SEC23A: variants seen among roughly 807,000 people sequenced by gnomAD.
SEC23A encodes SEC23 homolog A, COPII component.
In SEC23A, 56 loss-of-function variants were observed where a neutral mutation model predicts 103.7. The ratio of observed to expected loss-of-function variants is 0.54; its 90% confidence interval spans 0.44 to 0.67. The LOEUF is 0.67. Ranked by LOEUF, SEC23A falls within the 30% of genes least tolerant of loss-of-function variation. SEC23A has a pLI of 0.00. For missense variants in SEC23A, 784 were observed against 936.4 expected, an observed-to-expected ratio of 0.84 and a Z score of 2.12; for synonymous variants, 281 against 293.0, an observed-to-expected ratio of 0.96 and a Z score of 0.42.
chr14:39,059,278 T>TAAAAAAAAAAAAAAAAAAAAAAAAAAAA (rs750853379), intron 13 of SEC23A, among the ~76,000 whole-genome samples: 1 of 71,826 alleles, frequency 1.4e-5, no homozygotes, highest in African/African-American at 5.1e-5. Flanking sequence ...AGTCCTAGTT[T>TAAAAAAAAAAAAAAAAAAAAAAAAAAAA]AAAAAAAAAA....
intron 3 of SEC23A, 93 bp downstream of exon 3, chr14:39,093,094 C>T (rs1032253171): frequency 4.1e-6 from 4 of 968,958 alleles, no homozygotes; most frequent in Non-Finnish European, 6.4e-6. Context: ...GTCTCAATCT[C>T]CTGACCTCGT....
chr14:39,038,269 C>A (rs1480815821), intron 19 of SEC23A, among the ~76,000 whole-genome samples: 3 of 152,172 alleles, frequency 2.0e-5, no homozygotes, highest in Non-Finnish European at 4.4e-5. Context: ...TACACACCCT[C>A]TTCCTGCTAC....
intron 9 of SEC23A, among the ~76,000 whole-genome samples, chr14:39,068,328 A>C (rs1167409387): frequency 1.3e-5 from 2 of 152,166 alleles, no homozygotes; most frequent in Non-Finnish European, 2.9e-5. Flanking sequence ...TAACTTGATA[A>C]TATCTAACAA....
At chr14:39,098,019 G>A (rs1000373185) in intron 1 of SEC23A, among the ~76,000 whole-genome samples, 3 of 151,986 alleles carry the variant, frequency 2.0e-5, no homozygotes, top group Non-Finnish European at 4.4e-5. Flanking sequence ...AACTGGGGGG[G>A]CAGAGGTTGT....
chr14:39,089,120 CA>C (rs1887568842), intron 5 of SEC23A, among the ~76,000 whole-genome samples: 1 of 141,042 alleles, frequency 7.1e-6, no homozygotes, highest in African/African-American at 2.7e-5. Flanking sequence ...ATTGCAAGAT[CA>C]TGCCACTGCA....
At chr14:39,074,359 A>G in intron 9 of SEC23A, 56 bp downstream of exon 9, 1 of 1,087,598 alleles carries the variant, frequency 9.2e-7, no homozygotes, top group Non-Finnish European at 1.4e-6. Context: ...GGTTTATATC[A>G]GTAAATGTCA....
At chr14:39,080,454 T>G (rs1439540481) in intron 7 of SEC23A, among the ~76,000 whole-genome samples, 1 of 152,232 alleles carries the variant, frequency 6.6e-6, no homozygotes, top group Non-Finnish European at 1.5e-5. Flanking sequence ...TCGGCCAGGC[T>G]GGAGTGCAGT....
chr14:39,064,858 G>C (rs966266402), intron 11 of SEC23A, 55 bp downstream of exon 11: 1 of 1,280,856 alleles, frequency 7.8e-7, no homozygotes, highest in African/African-American at 1.5e-5. Flanking sequence ...GGGATTACAG[G>C]TGCAAGCCAC....
At position 39,064,941 on chromosome 14, in the gene SEC23A, T is replaced by C. The variant is rs761359915; in HGVS notation, c.1280A>G (p.Asn427Ser). 5 of 1,613,192 alleles carry C rather than the reference T, an allele frequency of 3.1e-6. No individual in the cohort carries two copies. The highest frequency in any genetic ancestry group is 4.2e-6 in the Non-Finnish European group (5 of 1,179,184). ...SGAIGPCVSL[N>S]SKGPCVSENE... ...TTCAGACACACAGGGTCCTTTAGAA[T>C]TGAGTGACACACAGGGTCCAATAGC... Residue 427 changes from asparagine to serine, a missense_variant, in exon 11 of 20, where the codon AAT (asparagine) becomes AGT (serine). By Grantham distance (46) the Asn-to-Ser change is conservative. Transcript: ENST00000307712.
intron 7 of SEC23A, 47 bp from the exon 8 acceptor site, chr14:39,076,140 CATTTCTGATAATAATTTTTT>C: frequency 7.5e-7 from 1 of 1,340,976 alleles, no homozygotes; most frequent in South Asian, 1.3e-5. Flanking sequence ...TATGAATATA[CATTTCTGATAATAATTTTTT>C]ATATATTCCT....
chr14:39,074,385 T>C (rs369586457), intron 9 of SEC23A, 30 bp downstream of exon 9: 68 of 1,389,626 alleles, frequency 4.9e-5, no homozygotes, highest in Non-Finnish European at 5.6e-5. Context: ...TGCTTATAAT[T>C]ACAAAAACTG....
chr14:39,053,210 A>G (rs1454266245), intron 14 of SEC23A, among the ~76,000 whole-genome samples: 1 of 152,212 alleles, frequency 6.6e-6, no homozygotes, highest in Non-Finnish European at 1.5e-5. Context: ...CAAAGCACTG[A>G]TGACATGTCA....
Position 39,074,829 on chromosome 14 carries a change from T to C in SEC23A, c.988-299A>G, listed in dbSNP as rs933891300. ...TAAACATAGCACAAAAACAACAGGC[T>C]GGGCGTGGTGGCTCACGCCTGTAAT... On this transcript the variant is annotated intron_variant, in intron 8 of 19. Coordinates refer to ENST00000307712, the MANE Select transcript of SEC23A (RefSeq NM_006364.4). Among the ~76,000 whole-genome samples the C allele has an allele frequency of 5.9e-5, 9 of 152,298 alleles. No individual in the cohort carries two copies. The East Asian group carries it at 1.5e-3, about 26-fold the overall frequency.
intron 10 of SEC23A, among the ~76,000 whole-genome samples, chr14:39,065,988 A>C (rs1886647693): frequency 9.3e-6 from 1 of 107,518 alleles, no homozygotes; most frequent in African/African-American, 3.5e-5. Flanking sequence ...TAAGAGCGAA[A>C]CTCCATCTCA....
At chr14:39,048,831 G>A (rs1325996174) in intron 14 of SEC23A, 102 bp from the exon 15 acceptor site, 8 of 679,630 alleles carry the variant, frequency 1.2e-5, no homozygotes, top group Non-Finnish European at 2.1e-5. Context: ...TCATCAGGAA[G>A]CAGATACTTG....
At chr14:39,065,910 A>G (rs962270801) in intron 10 of SEC23A, among the ~76,000 whole-genome samples, 3 of 143,390 alleles carry the variant, frequency 2.1e-5, no homozygotes, top group Non-Finnish European at 4.5e-5. Context: ...AGGCAGGAGA[A>G]TTGCTTGAAC....
rs1243292257 is a variant in SEC23A at position 39,094,603 on chromosome 14, CA to C, written c.221+1294del. On this transcript the variant is annotated intron_variant, in intron 2 of 19. Coordinates refer to ENST00000307712, the MANE Select transcript of SEC23A (RefSeq NM_006364.4). ...TTGTAATAACAGAGATTAAAGAAAACAAAGCAGAATGTGAGAATGTGTTTAA... is the reference window on the plus strand; with the variant it reads ...TTGTAATAACAGAGATTAAAGAAAACAAGCAGAATGTGAGAATGTGTTTAA... 4.0e-5 allele frequency among the ~76,000 whole-genome samples: 6 copies of C among 151,674 alleles called. No homozygotes were observed. The South Asian group carries it at 8.3e-4, about 21-fold the overall frequency.
At chr14:39,091,917 A>G (rs1310958982) in intron 4 of SEC23A, among the ~76,000 whole-genome samples, 1 of 152,228 alleles carries the variant, frequency 6.6e-6, no homozygotes, top group Non-Finnish European at 1.5e-5. Flanking sequence ...CATGAGGTAT[A>G]GTTACACAGA....
intron 9 of SEC23A, among the ~76,000 whole-genome samples, chr14:39,070,091 A>G (rs1186206659): frequency 6.6e-6 from 1 of 152,238 alleles, no homozygotes; most frequent in Non-Finnish European, 1.5e-5. Flanking sequence ...CCACATTTCA[A>G]TGGGACAGCA....
Sources: allele counts gnomAD v4.1 joint callset (sites outside exome capture counted in the v4.1 genomes callset), GRCh38; gene constraint gnomAD v4.1.1; transcripts MANE v1.5; gene names NCBI Gene and HGNC (gene_info 2026-07-23, HGNC 2026-07-21).